Variants in DDX43 observed in about 807,000 individuals in gnomAD.
The protein encoded by DDX43 is DEAD-box helicase 43, also known as probable ATP-dependent RNA helicase DDX43.
Under a neutral mutation model 84.9 loss-of-function variants are expected in DDX43, and 50 were observed. That is an observed-to-expected ratio of 0.59 (90% confidence interval 0.47 to 0.75). The LOEUF is 0.75. DDX43 is among the 30% of genes least tolerant of loss of function. DDX43 has a pLI of 0.00. For missense variants in DDX43, 689 were observed against 798.6 expected (o/e 0.86, Z 1.65); for synonymous variants, 291 against 266.3 (o/e 1.09, Z -0.90).
At chr6:73,407,356 TA>T in intron 7 of DDX43, 148 bp from the exon 8 acceptor site, 1 of 551,320 alleles carries the variant, frequency 1.8e-6, no homozygotes, top group Non-Finnish European at 3.3e-6. Flanking sequence ...TGACCTCAGG[TA>T]ATCCGACTGC....
chr6:73,406,101 A>G (rs909726388), intron 6 of DDX43, among the ~76,000 whole-genome samples: 1 of 151,026 alleles, frequency 6.6e-6, no homozygotes, highest in Admixed American at 6.6e-5. Context: ...TCGGCTCACC[A>G]CAACCTCTGT....
rs775703721 is a variant in DDX43 at position 73,404,773 on chromosome 6, TG to T, written c.650+5del. 1.6e-5 allele frequency: 26 copies of T among 1,609,848 alleles called. No homozygotes were observed. The highest frequency in any genetic ancestry group is 2.1e-5 in the Non-Finnish European group (25 of 1,177,304). ...AAAAGTAGAAGCAGATAGTTGGAGG[TG>T]GGTAGTTTCATTACCTAGTTGTGTA... is the stretch of plus-strand genomic sequence containing the variant. On this transcript the variant is annotated splice_donor_region_variant and intron_variant, in intron 5 of 16. Transcript: ENST00000370336.
At chr6:73,405,636 G>A in intron 5 of DDX43, 43 bp from the exon 6 acceptor site, 2 of 1,597,292 alleles carry the variant, frequency 1.3e-6, no homozygotes, top group Non-Finnish European at 1.7e-6. Context: ...CTTGCTTGGG[G>A]AGTAAAGTGA....
chr6:73,407,416 G>C, intron 7 of DDX43, 89 bp from the exon 8 acceptor site: 1 of 924,516 alleles, frequency 1.1e-6, no homozygotes, highest in Non-Finnish European at 1.7e-6. Context: ...ACCACGTCTG[G>C]CTTGTTGCTA....
At position 73,395,010 on chromosome 6, in the gene DDX43, G is replaced by T; in HGVS notation, c.105G>T (p.Leu35Phe). ...RAPERRPAEE[L>F]NRTGPEGYSV... ...CAGAGAGGAGGCCGGCGGAGGAGTT[G>T]AATCGAACAGGTCCTGAGGGATATA... Residue 35 changes from leucine (L) to phenylalanine (F), a missense_variant, in exon 1 of 17, where the codon TTG (leucine) becomes TTT (phenylalanine). By Grantham distance (22) the Leu-to-Phe change is conservative. This residue lies in a region of DDX43 where 137 missense variants were observed against 105.9 expected (regional missense o/e 1.29). Transcript: ENST00000370336. 1.2e-6 allele frequency: 2 copies of T among 1,614,262 alleles called. No homozygotes were observed. The highest frequency in any genetic ancestry group is 2.2e-5 in the South Asian group (2 of 91,084).
At chr6:73,410,361 G>A (rs1769761037) in intron 10 of DDX43, among the ~76,000 whole-genome samples, 1 of 152,040 alleles carries the variant, frequency 6.6e-6, no homozygotes, top group East Asian at 1.9e-4. Flanking sequence ...ATGGGGTTTC[G>A]CCATGTTGGC....
chr6:73,407,581 G>C lies in DDX43; in HGVS notation c.1003G>C (p.Glu335Gln). The change falls in exon 8 of 17, where the codon GAA becomes CAA. Residue 335 changes from glutamate (E) to glutamine (Q), a missense_variant. This residue lies in a region of DDX43 where 552 missense variants were observed against 692.7 expected (regional missense o/e 0.80). Transcript: ENST00000370336. ...TRELALQVEGECCKYSYKGLR... is the reference protein window; with the variant it reads ...TRELALQVEGQCCKYSYKGLR... ...GGAATTAGCACTTCAAGTAGAAGGAGAATGTTGCAAATATTCATATAAAGG... is the reference window on the plus strand; with the variant it reads ...GGAATTAGCACTTCAAGTAGAAGGACAATGTTGCAAATATTCATATAAAGG... 6.2e-7 allele frequency: 1 copy of C among 1,613,800 alleles called. No individual in the cohort carries two copies. The highest frequency in any genetic ancestry group is 8.5e-7 in the Non-Finnish European group (1 of 1,179,706).
chr6:73,405,962 A>G, intron 6 of DDX43, 127 bp downstream of exon 6: 3 of 881,172 alleles, frequency 3.4e-6, no homozygotes, highest in Non-Finnish European at 4.9e-6. Flanking sequence ...CTAGAGTTCA[A>G]AAAATCTTTG....
intron 10 of DDX43, among the ~76,000 whole-genome samples, chr6:73,411,395 C>T (rs1769782767): frequency 6.7e-6 from 1 of 148,728 alleles, no homozygotes; most frequent in African/African-American, 2.5e-5. Flanking sequence ...GTGGCATGAT[C>T]TCCACTCACT....
At chr6:73,412,149 G>T in intron 10 of DDX43, 56 bp from the exon 11 acceptor site, 1 of 1,453,834 alleles carries the variant, frequency 6.9e-7, no homozygotes. Flanking sequence ...CATGCTTAAG[G>T]AAACATAGTA....
chr6:73,411,842 C>T (rs751627254), intron 10 of DDX43, among the ~76,000 whole-genome samples: 6 of 152,134 alleles, frequency 3.9e-5, no homozygotes, highest in African/African-American at 7.2e-5. Context: ...GGATTACAGG[C>T]GTCCGCTAAC....
chr6:73,415,175 G>A (rs1168361832), intron 14 of DDX43, among the ~76,000 whole-genome samples: 2 of 152,248 alleles, frequency 1.3e-5, no homozygotes, highest in East Asian at 1.9e-4. Context: ...GCGGGCGCCT[G>A]TAGTCCCAGC....
At position 73,394,945 on chromosome 6, in the gene DDX43, G is replaced by C. The variant is rs1400469524; in HGVS notation, c.40G>C (p.Val14Leu). 1.9e-6 allele frequency: 3 copies of C among 1,614,148 alleles called. No individual in the cohort carries two copies. The highest frequency in any genetic ancestry group is 2.5e-6 in the Non-Finnish European group (3 of 1,180,054). Residue 14 changes from valine (V) to leucine (L), a missense_variant, in exon 1 of 17, where the codon GTC becomes CTC. Coordinates refer to ENST00000370336, the MANE Select transcript of DDX43 (RefSeq NM_018665.3). ...AGGAGCTCCCAAGGCCTCTACGTGGGTCGTTGCTAGTCGGCGAAGCTCGAC... is the reference window on the plus strand; with the variant it reads ...AGGAGCTCCCAAGGCCTCTACGTGGCTCGTTGCTAGTCGGCGAAGCTCGAC... Reference protein sequence around the residue: ...HGGAPKASTWVVASRRSSTVS... With the variant: ...HGGAPKASTWLVASRRSSTVS...
intron 10 of DDX43, among the ~76,000 whole-genome samples, chr6:73,411,648 G>T (rs1381148240): frequency 6.6e-6 from 1 of 151,764 alleles, no homozygotes; most frequent in African/African-American, 2.4e-5. Context: ...TCATAGATTA[G>T]TATTTAGTTG....
intron 12 of DDX43, 43 bp downstream of exon 12, chr6:73,413,828 GA>G: frequency 1.3e-6 from 2 of 1,583,922 alleles, no homozygotes; most frequent in Non-Finnish European, 1.7e-6. Flanking sequence ...TAATTAAATT[GA>G]TTAGGATCAT....
At position 73,395,225 on chromosome 6, in the gene DDX43, C is replaced by G. The variant is rs143348231; in HGVS notation, c.250+70C>G. 3.0e-3 allele frequency: 4,489 copies of G among 1,498,384 alleles called. 102 individuals carry two copies. In the African/African-American group the frequency reaches 0.055, roughly 18 times the overall value. The allele number at this position is 1,498,384 out of a possible 1,614,324, so 92.8% of individuals were successfully genotyped here. ...GGCGGAGCCTGGGCGAAGGCATTTC[C>G]TCCCCACTGCCTCACCTCCAATCAG... On this transcript the variant is annotated intron_variant, in intron 1 of 16. Coordinates refer to ENST00000370336, the MANE Select transcript of DDX43 (RefSeq NM_018665.3).
intron 11 of DDX43, among the ~76,000 whole-genome samples, chr6:73,412,690 T>C (rs529276681): frequency 4.2e-4 from 48 of 114,000 alleles, no homozygotes; most frequent in South Asian, 6.8e-4. Flanking sequence ...TGTGTGTGTG[T>C]GCGCGTGCGT....
At chr6:73,402,362 A>AT (rs1562283586) in intron 4 of DDX43, among the ~76,000 whole-genome samples, 1 of 152,324 alleles carries the variant, frequency 6.6e-6, no homozygotes, top group African/African-American at 2.4e-5. Flanking sequence ...GCAAAAAAAA[A>AT]GGGAAAGCCA....
rs374788963 is a variant in DDX43, at chr6:73,404,816, C to T, written c.650+45C>T. On this transcript the variant is annotated intron_variant, in intron 5 of 16. Transcript: ENST00000370336. ...AGTTGTGTAAGTATTTGTATAGTTA[C>T]GTTATTGGTATTAACACTTCGGGCA... 1.7e-4 allele frequency: 245 copies of T among 1,449,108 alleles called. No homozygotes were observed. The African/African-American group carries it at 2.7e-3, about 16-fold the overall frequency. The allele number at this position is 1,449,108 out of a possible 1,614,324, so 89.8% of individuals were successfully genotyped here.
Sources: allele counts gnomAD v4.1 joint callset (sites outside exome capture counted in the v4.1 genomes callset), GRCh38; gene constraint gnomAD v4.1.1; regional missense constraint gnomAD v4.1.1; transcripts MANE v1.5; gene names NCBI Gene and HGNC (gene_info 2026-07-23, HGNC 2026-07-21).